The following LPIN3 variants were observed in gnomAD, a reference collection of about 807,000 sequenced individuals.
LPIN3 encodes the protein phosphatidate phosphatase LPIN3.
LPIN3 carries 82 observed loss-of-function variants against 94.7 expected under a neutral mutation model. The observed-to-expected ratio is 0.87, with a 90% CI of 0.72 to 1.04. The LOEUF is 1.04. Among genes scored for constraint, LPIN3 ranks in the 50% least tolerant of loss-of-function variants. The probability of loss-of-function intolerance (pLI) is 0.00; values close to 1 mark genes in which losing one functional copy is unlikely to be tolerated. For synonymous variants in LPIN3, 418 were observed against 443.3 expected (o/e 0.94, Z 0.72); for missense variants, 996 against 1,090.5 (o/e 0.91, Z 1.22).
In LPIN3 at chr20:41,358,289, A is replaced by G. The variant is rs1392097014; in HGVS notation, c.2245A>G (p.Ile749Val). 14 of 1,614,138 alleles carry G rather than the reference A, an allele frequency of 8.7e-6. No individual in the cohort carries two copies. The highest frequency in any genetic ancestry group is 1.2e-5 in the Non-Finnish European group (14 of 1,180,030). Residue 749 changes from isoleucine to valine, a missense_variant, in exon 18 of 20, where the codon ATC becomes GTC. Ile to Val is a conservative substitution (Grantham distance 29). Coordinates refer to ENST00000373257, the MANE Select transcript of LPIN3 (RefSeq NM_022896.3). ...EVFKVACLSD[I>V]QQLFLPHGQP... Reference sequence around the variant, plus strand: ...GTTCAAGGTCGCCTGCCTGAGTGACATCCAGCAGCTGTTTCTGCCCCACGG... The same window carrying G: ...GTTCAAGGTCGCCTGCCTGAGTGACGTCCAGCAGCTGTTTCTGCCCCACGG...
At chr20:41,345,644 A>G (rs1036235785) in intron 1 of LPIN3, among the ~76,000 whole-genome samples, 152 bp from the exon 2 acceptor site, 4 of 152,154 alleles carry the variant, frequency 2.6e-5, no homozygotes, top group African/African-American at 9.7e-5. Flanking sequence ...CTACAGGTGT[A>G]CCTCCCATCG....
At chr20:41,357,286 C>T in intron 15 of LPIN3, 75 bp from the exon 16 acceptor site, 1 of 1,597,080 alleles carries the variant, frequency 6.3e-7, no homozygotes, top group African/African-American at 1.3e-5. Context: ...GCCCTCCCTT[C>T]CTGGTGGGCC....
In LPIN3 at chr20:41,357,452, G is replaced by A. The variant is rs1284689777; in HGVS notation, c.2039+5G>A. ...TCTCTATCACAAAATCCAACTGTGAGTGCCTGGGCTGGGGCTGGGGCTGAG... is the reference window on the plus strand; with the variant it reads ...TCTCTATCACAAAATCCAACTGTGAATGCCTGGGCTGGGGCTGGGGCTGAG... On this transcript the variant is annotated splice_donor_5th_base_variant and intron_variant, in intron 16 of 19. Transcript: ENST00000373257. 2 of 1,611,596 alleles carry A rather than the reference G, an allele frequency of 1.2e-6. No individual in the cohort carries two copies. Among genetic ancestry groups the A allele is most frequent in the Admixed American group, 1.7e-5 (1 of 60,014 alleles).
chr20:41,350,470 A>C (rs2045969402), intron 7 of LPIN3, 73 bp downstream of exon 7: 2 of 1,246,084 alleles, frequency 1.6e-6, no homozygotes, highest in South Asian at 3.1e-5. Flanking sequence ...TGGGACTTCA[A>C]GTACATTTTG....
chr20:41,349,740 G>A, intron 5 of LPIN3, 34 bp from the exon 6 acceptor site: 1 of 1,586,310 alleles, frequency 6.3e-7, no homozygotes, highest in Admixed American at 1.8e-5. Context: ...GGATGGGTAG[G>A]CAGGCTCAAG....
Position 41,345,867 on chromosome 20 carries a change from C to T in LPIN3, c.64C>T (p.Leu22=). 6.2e-7 allele frequency: 1 copy of T among 1,614,226 alleles called. No homozygotes were observed. Among genetic ancestry groups the T allele is most frequent in the Non-Finnish European group, 8.5e-7 (1 of 1,180,050 alleles). Residue 22 remains leucine, a synonymous_variant, in exon 2 of 20, where the codon CTG becomes TTG. Transcript: ENST00000373257. ...GACGGTGAAGGAGCTGTACCGGGGC[C>T]TGAACCCAGCCACACTGAGCGGCGG... ...FGTVKELYRG[L]NPATLSGGID...
chr20:41,354,185 G>A (rs1342277123), intron 11 of LPIN3, among the ~76,000 whole-genome samples: 2 of 152,216 alleles, frequency 1.3e-5, no homozygotes, highest in South Asian at 2.1e-4. Flanking sequence ...ATACAGAAAA[G>A]GGGGTTGTTC....
At chr20:41,350,535 G>T in intron 7 of LPIN3, 138 bp downstream of exon 7, 1 of 680,854 alleles carries the variant, frequency 1.5e-6, no homozygotes, top group South Asian at 2.2e-5. Flanking sequence ...GAAGCTCACA[G>T]TGCAGTGTGG....
Position 41,359,471 on chromosome 20 carries a change from TC to T in LPIN3, c.*608del, listed in dbSNP as rs2046326169. On this transcript the variant is annotated 3_prime_UTR_variant, in exon 20 of 20. Coordinates refer to ENST00000373257, the MANE Select transcript of LPIN3 (RefSeq NM_022896.3). ...GTTTTCTATGCCCTTGATATCTGTC[TC>T]CCTGTCAACCTGGGACCTTGCTGTA... is the stretch of plus-strand genomic sequence containing the variant. 1 of 152,154 alleles carries T rather than the reference TC, an allele frequency of 6.6e-6. No homozygotes were observed. Among genetic ancestry groups the T allele is most frequent in the Non-Finnish European group, 1.5e-5 (1 of 68,056 alleles). 9.4% of individuals were successfully genotyped at this position (152,154 alleles called of 1,614,324 possible).
rs2046334189 is a variant in LPIN3, at chr20:41,359,854, G to C, written c.*988G>C. 1 of 152,294 alleles carries C rather than the reference G, an allele frequency of 6.6e-6. No individual in the cohort carries two copies. The highest frequency in any genetic ancestry group is 6.5e-5 in the Admixed American group (1 of 15,288). The allele number at this position is 152,294 out of a possible 1,614,324, so 9.4% of individuals were successfully genotyped here. ...GAAAGTCCTCCCCCAGCCTCTGCTG[G>C]CCAGCTTGGTGCTCACAGCTGCTGG... is the stretch of plus-strand genomic sequence containing the variant. On this transcript the variant is annotated 3_prime_UTR_variant, in exon 20 of 20. Coordinates refer to ENST00000373257, the MANE Select transcript of LPIN3 (RefSeq NM_022896.3).
In LPIN3 at chr20:41,358,264, G is replaced by A. The variant is rs756924997; in HGVS notation, c.2220G>A (p.Val740=). ...HREVIEKKPE[V]FKVACLSDIQ... Reference sequence around the variant, plus strand: ...AGGTGATCGAGAAGAAACCAGAGGTGTTCAAGGTCGCCTGCCTGAGTGACA... The same window carrying A: ...AGGTGATCGAGAAGAAACCAGAGGTATTCAAGGTCGCCTGCCTGAGTGACA... Residue 740 remains valine (V), a synonymous_variant, in exon 18 of 20, where the codon GTG becomes GTA. Coordinates refer to ENST00000373257, the MANE Select transcript of LPIN3 (RefSeq NM_022896.3). The A allele has an allele frequency of 1.2e-6, 2 of 1,614,086 alleles. No homozygotes were observed. Among genetic ancestry groups the A allele is most frequent in the Admixed American group, 1.7e-5 (1 of 60,028 alleles).
At chr20:41,347,276 G>A (rs754683565) in intron 2 of LPIN3, among the ~76,000 whole-genome samples, 72 of 152,214 alleles carry the variant, frequency 4.7e-4, no homozygotes, top group Non-Finnish European at 7.9e-4. Flanking sequence ...CAAGAAGACC[G>A]AGACAGTGAC....
chr20:41,353,048 C>G (rs927555281), intron 11 of LPIN3, among the ~76,000 whole-genome samples, 181 bp downstream of exon 11: 9 of 152,214 alleles, frequency 5.9e-5, no homozygotes, highest in Non-Finnish European at 7.3e-5. Context: ...TCACCCTTCC[C>G]TGGTTTCCTG....
chr20:41,358,602 C>T, intron 19 of LPIN3, 60 bp downstream of exon 19: 1 of 1,602,414 alleles, frequency 6.2e-7, no homozygotes, highest in Non-Finnish European at 8.5e-7. Flanking sequence ...CCTGGCTTCT[C>T]CCTGGGCCCC....
intron 3 of LPIN3, 37 bp from the exon 4 acceptor site, chr20:41,348,582 G>T (rs1431715062): frequency 1.5e-5 from 23 of 1,569,452 alleles, no homozygotes; most frequent in Non-Finnish European, 2.0e-5. Flanking sequence ...CCCCACTAGG[G>T]TCAGCCCCCG....
rs781755703 is a variant in LPIN3, at chr20:41,347,541, T to G, written c.193-11T>G. ...AAGGCCCATGTCCCTGCCACCGCTT[T>G]CCATTTGCAGGTAGACATTGAGCTC... On this transcript the variant is annotated splice_polypyrimidine_tract_variant and intron_variant, in intron 2 of 19. Transcript: ENST00000373257. The G allele has an allele frequency of 4.3e-6, 7 of 1,613,682 alleles. No individual in the cohort carries two copies. Among genetic ancestry groups the G allele is most frequent in the South Asian group, 1.1e-5 (1 of 91,064 alleles).
Position 41,348,753 on chromosome 20 carries a change from G to T in LPIN3, c.423G>T (p.Arg141=). The change falls in exon 4 of 20, where the codon CGG becomes CGT. Residue 141 remains arginine, a synonymous_variant. Transcript: ENST00000373257. ...TGGCAGGCACGGCCTCCACTGGGCG[G>T]AGGAAGAGGCGTCGCAGGAGGAAAC... The part of the protein sequence containing the change: ...LVMAGTASTG[R]RKRRRRRKPK... 2 of 1,613,532 alleles carry T rather than the reference G, an allele frequency of 1.2e-6. No homozygotes were observed. Among genetic ancestry groups the T allele is most frequent in the Non-Finnish European group, 1.7e-6 (2 of 1,179,810 alleles).
At chr20:41,352,375 G>T (rs1409738829) in intron 9 of LPIN3, among the ~76,000 whole-genome samples, 155 bp downstream of exon 9, 1 of 152,238 alleles carries the variant, frequency 6.6e-6, no homozygotes, top group African/African-American at 2.4e-5. Flanking sequence ...GCCAGCAGGG[G>T]CTGGACCTTC....
At chr20:41,345,045 C>G (rs1448291919) in intron 1 of LPIN3, among the ~76,000 whole-genome samples, 1 of 152,190 alleles carries the variant, frequency 6.6e-6, no homozygotes, top group East Asian at 1.9e-4. Context: ...CACCCTTGGT[C>G]CCCCATAAGT....
Sources: allele counts gnomAD v4.1 joint callset (sites outside exome capture counted in the v4.1 genomes callset), GRCh38; gene constraint gnomAD v4.1.1; transcripts MANE v1.5; gene names NCBI Gene and HGNC (gene_info 2026-07-23, HGNC 2026-07-21).